RARB: variants seen among roughly 807,000 people sequenced by gnomAD.
The protein encoded by RARB is retinoic acid receptor beta.
A neutral mutation model predicts 51.9 loss-of-function variants in RARB; 17 were observed. That is an observed-to-expected ratio of 0.33 (90% CI 0.22 to 0.49). The LOEUF (loss-of-function observed/expected upper bound fraction) is 0.49, where lower values mean the gene tolerates loss of function less well. RARB is among the 20% of genes least tolerant of loss of function. RARB has a pLI of 0.99. For synonymous variants in RARB, 215 were observed against 195.4 expected, an observed-to-expected ratio of 1.10 and a Z score of -0.84; for missense variants, 369 against 550.8, an observed-to-expected ratio of 0.67 and a Z score of 3.30.
intron 4 of RARB, among the ~76,000 whole-genome samples, chr3:25,143,029 A>G (rs1685825014): frequency 6.6e-6 from 1 of 152,200 alleles, no homozygotes; most frequent in Non-Finnish European, 1.5e-5. Context: ...AGCAGGCAGA[A>G]AAGTTGAGCC....
intron 5 of RARB, among the ~76,000 whole-genome samples, chr3:25,200,322 T>A (rs865979429): frequency 6.6e-6 from 1 of 151,802 alleles, no homozygotes; most frequent in African/African-American, 2.4e-5. Flanking sequence ...GTTTGAGTTC[T>A]CTGTAGATTC....
intron 2 of RARB, among the ~76,000 whole-genome samples, chr3:24,899,722 C>A (rs1448203735): frequency 6.6e-6 from 1 of 152,044 alleles, no homozygotes; most frequent in Non-Finnish European, 1.5e-5. Flanking sequence ...GTCATTTATC[C>A]CAGATCATGT....
intron 2 of RARB, among the ~76,000 whole-genome samples, chr3:25,049,677 AAAAAT>A (rs767094268): frequency 3.3e-4 from 50 of 152,354 alleles, no homozygotes; most frequent in Admixed American, 1.0e-3. Context: ...GAATACATGA[AAAAAT>A]AAAATTAAAA....
At chr3:25,551,291 C>T (rs933447560) in intron 3 of RARB, among the ~76,000 whole-genome samples, 4 of 152,146 alleles carry the variant, frequency 2.6e-5, no homozygotes, top group African/African-American at 9.7e-5. Context: ...ACTGTTTTTA[C>T]TTTTTACTGT....
chr3:25,378,432 C>A (rs1376582955), intron 5 of RARB, among the ~76,000 whole-genome samples: 1 of 152,160 alleles, frequency 6.6e-6, no homozygotes, highest in African/African-American at 2.4e-5. Context: ...GGACCATTGG[C>A]TTCATCCTAT....
chr3:25,401,410 T>G (rs1707259996), intron 5 of RARB, among the ~76,000 whole-genome samples: 1 of 152,200 alleles, frequency 6.6e-6, no homozygotes, highest in African/African-American at 2.4e-5. Flanking sequence ...CGTTCCTCGC[T>G]CTACCAAAAC....
At chr3:25,108,033 C>T (rs977494338) in intron 3 of RARB, among the ~76,000 whole-genome samples, 12 of 152,074 alleles carry the variant, frequency 7.9e-5, no homozygotes, top group Non-Finnish European at 1.8e-4. Context: ...ACTGTGATAC[C>T]TTAACAGTAG....
At chr3:25,496,489 G>A (rs1697040789) in intron 2 of RARB, among the ~76,000 whole-genome samples, 1 of 152,090 alleles carries the variant, frequency 6.6e-6, no homozygotes, top group Non-Finnish European at 1.5e-5. Flanking sequence ...CATGAGTATC[G>A]GCAAGGAAGG....
chr3:25,262,068 G>A (rs1703011999), intron 5 of RARB, among the ~76,000 whole-genome samples: 4 of 152,060 alleles, frequency 2.6e-5, no homozygotes, highest in Admixed American at 2.6e-4. Flanking sequence ...TAGACTAAAG[G>A]CCAAAGACCA....
chr3:25,262,235 A>C (rs1257303880), intron 5 of RARB, among the ~76,000 whole-genome samples: 2 of 152,134 alleles, frequency 1.3e-5, no homozygotes, highest in Non-Finnish European at 2.9e-5. Flanking sequence ...GCCCAGAGTG[A>C]GTGCCCTCAC....
At chr3:25,482,783 C>A (rs935722469) in intron 2 of RARB, among the ~76,000 whole-genome samples, 1 of 151,986 alleles carries the variant, frequency 6.6e-6, no homozygotes, top group Admixed American at 6.5e-5. Flanking sequence ...TCATGATCCG[C>A]CCAGCTCGGC....
At chr3:25,291,241 T>C (rs322672) in intron 5 of RARB, among the ~76,000 whole-genome samples, 64,237 of 152,066 alleles carry the variant, frequency 0.42, 14,939 homozygotes, top group African/African-American at 0.6. Context: ...CATGAATGCA[T>C]AGCTCATTCT....
chr3:25,573,848 C>T (rs1411963026), intron 4 of RARB, among the ~76,000 whole-genome samples: 11 of 152,130 alleles, frequency 7.2e-5, no homozygotes, highest in Non-Finnish European at 1.5e-4. Context: ...AAGAGTAGTT[C>T]CTTTTTCTTC....
At chr3:24,890,022 T>G (rs1382349632) in intron 2 of RARB, among the ~76,000 whole-genome samples, 1 of 152,138 alleles carries the variant, frequency 6.6e-6, no homozygotes, top group Non-Finnish European at 1.5e-5. Context: ...CAGCAGTATA[T>G]GCAGTAATTA....
chr3:25,238,795 A>G (rs1388843295), intron 5 of RARB, among the ~76,000 whole-genome samples: 1 of 152,144 alleles, frequency 6.6e-6, no homozygotes, highest in Non-Finnish European at 1.5e-5. Context: ...CCTGGCCAAC[A>G]CAGTGAAACT....
chr3:25,047,378 A>G (rs956758058), intron 2 of RARB, among the ~76,000 whole-genome samples: 1 of 151,026 alleles, frequency 6.6e-6, no homozygotes, highest in East Asian at 1.9e-4. Flanking sequence ...TACTTATGTA[A>G]TTAGGTCAGG....
At chr3:25,351,008 C>G (rs1310961676) in intron 5 of RARB, among the ~76,000 whole-genome samples, 1 of 152,142 alleles carries the variant, frequency 6.6e-6, no homozygotes, top group Non-Finnish European at 1.5e-5. Context: ...GCTCCCGTTT[C>G]CGAACACAGA....
chr3:25,289,760 A>C (rs1292302772), intron 5 of RARB, among the ~76,000 whole-genome samples: 2 of 152,194 alleles, frequency 1.3e-5, no homozygotes, highest in Non-Finnish European at 2.9e-5. Flanking sequence ...TATCTGGGCT[A>C]TTCCCTTTGG....
intron 3 of RARB, among the ~76,000 whole-genome samples, chr3:25,104,753 A>T: frequency 6.6e-6 from 1 of 152,358 alleles, no homozygotes; most frequent in Non-Finnish European, 1.5e-5. Context: ...TATACCCACA[A>T]CAGTAGAACA....
Sources: gnomAD v4.1 joint callset for allele counts (sites outside exome capture counted in the v4.1 genomes callset) on GRCh38, gnomAD v4.1.1 for gene constraint, MANE v1.5 for transcripts, NCBI Gene and HGNC (gene_info 2026-07-23, HGNC 2026-07-21) for gene names.